Variants in SHISA9 observed in about 807,000 individuals in gnomAD.
SHISA9 encodes protein shisa-9.
A neutral mutation model predicts 38.0 loss-of-function variants in SHISA9; 13 were observed. The ratio of observed to expected loss-of-function variants is 0.34; its 90% CI spans 0.22 to 0.54. The LOEUF is 0.54. Among genes scored for constraint, SHISA9 ranks in the 20% least tolerant of loss-of-function variants. SHISA9 has a pLI of 0.91. For missense variants in SHISA9, 538 were observed against 575.8 expected (o/e 0.93, Z 0.67); for synonymous variants, 275 against 242.0 (o/e 1.14, Z -1.27).
At chr16:13,073,538 T>G (rs146929360) in intron 2 of SHISA9, among the ~76,000 whole-genome samples, 1 of 152,196 alleles carries the variant, frequency 6.6e-6, no homozygotes, top group East Asian at 1.9e-4. Flanking sequence ...AGCTCAGACC[T>G]AGTGAGTCAG....
intron 2 of SHISA9, among the ~76,000 whole-genome samples, chr16:12,975,841 T>C (rs2072154314): frequency 6.6e-6 from 1 of 151,808 alleles, no homozygotes; most frequent in African/African-American, 2.4e-5. Context: ...GCCTGAGTGA[T>C]AAAGAAGGAT....
At chr16:13,022,419 C>T (rs537294238) in intron 2 of SHISA9, among the ~76,000 whole-genome samples, 2 of 152,158 alleles carry the variant, frequency 1.3e-5, no homozygotes, top group East Asian at 3.9e-4. Context: ...GCAACCTCTG[C>T]CTCCCGGGTT....
intron 2 of SHISA9, among the ~76,000 whole-genome samples, chr16:13,118,180 TAAAAA>T (rs543126630): frequency 2.4e-5 from 2 of 84,046 alleles, no homozygotes; most frequent in South Asian, 7.6e-4. Flanking sequence ...AGACTTCGTC[TAAAAA>T]AAAAAAAAAA....
At chr16:13,303,116 G>A in the SHISA9 span, among the ~76,000 whole-genome samples, 1 of 152,080 alleles carries the variant, frequency 6.6e-6, no homozygotes, top group South Asian at 2.1e-4. Flanking sequence ...TGCCCAAGAA[G>A]CCTAGATTTA....
At chr16:13,092,007 G>A (rs1230053490) in intron 2 of SHISA9, among the ~76,000 whole-genome samples, 2 of 151,842 alleles carry the variant, frequency 1.3e-5, no homozygotes, top group African/African-American at 4.8e-5. Flanking sequence ...CCTTTTTGTT[G>A]ATGTTGATGC....
chr16:13,017,891 C>G (rs1032735), intron 2 of SHISA9, among the ~76,000 whole-genome samples: 31,513 of 152,130 alleles, frequency 0.21, 3,524 homozygotes, highest in East Asian at 0.41. Context: ...CTATCACATT[C>G]AATCCCCTTG....
intron 2 of SHISA9, among the ~76,000 whole-genome samples, chr16:13,038,260 G>A (rs2073096991): frequency 1.3e-5 from 2 of 152,248 alleles, no homozygotes; most frequent in Admixed American, 1.3e-4. Flanking sequence ...AAAGTGCTGG[G>A]ATTACAGGCG....
chr16:13,086,944 C>G (rs1386373925), intron 2 of SHISA9, among the ~76,000 whole-genome samples: 1 of 151,820 alleles, frequency 6.6e-6, no homozygotes, highest in East Asian at 1.9e-4. Context: ...GGTATTTCTC[C>G]TAATGCTATC....
chr16:13,166,196 G>A (rs2050634105), intron 2 of SHISA9, among the ~76,000 whole-genome samples: 1 of 152,174 alleles, frequency 6.6e-6, no homozygotes, highest in Non-Finnish European at 1.5e-5. Flanking sequence ...TTTTCTCCAA[G>A]TACCTCTCTC....
At chr16:13,465,297 C>G in the SHISA9 span, among the ~76,000 whole-genome samples, 1 of 152,196 alleles carries the variant, frequency 6.6e-6, no homozygotes, top group Non-Finnish European at 1.5e-5. Context: ...CAGTTGAGGA[C>G]TGCTGCTTTG....
intron 2 of SHISA9, among the ~76,000 whole-genome samples, chr16:13,165,481 A>G (rs2050627545): frequency 6.6e-6 from 1 of 152,202 alleles, no homozygotes; most frequent in African/African-American, 2.4e-5. Context: ...ATTTATTTTA[A>G]GAAGAGTTAT....
the SHISA9 span, among the ~76,000 whole-genome samples, chr16:13,345,714 C>T: frequency 4.6e-4 from 70 of 152,260 alleles, no homozygotes; most frequent in African/African-American, 1.5e-3. Flanking sequence ...TACATTCCCA[C>T]CAACAGTGTA....
At chr16:13,323,921 A>C in the SHISA9 span, among the ~76,000 whole-genome samples, 1 of 152,136 alleles carries the variant, frequency 6.6e-6, no homozygotes, top group African/African-American at 2.4e-5. Context: ...AGGTGGGTCT[A>C]GTGGGAGGTG....
intron 2 of SHISA9, among the ~76,000 whole-genome samples, chr16:13,181,167 G>A (rs1035054468): frequency 2.9e-4 from 43 of 150,198 alleles, no homozygotes; most frequent in Admixed American, 4.7e-4. Context: ...CATTATTTTT[G>A]TTGTTTATAT....
intron 2 of SHISA9, among the ~76,000 whole-genome samples, chr16:13,115,994 C>T (rs1355665664): frequency 6.6e-6 from 1 of 152,132 alleles, no homozygotes; most frequent in African/African-American, 2.4e-5. Flanking sequence ...GCATGAACGA[C>T]TCTGGGATCT....
chr16:12,947,612 C>T (rs928210148), intron 2 of SHISA9, among the ~76,000 whole-genome samples: 4 of 152,154 alleles, frequency 2.6e-5, no homozygotes, highest in Non-Finnish European at 5.9e-5. Flanking sequence ...ACAGGGACAT[C>T]GGGACAGCAG....
At chr16:13,128,648 T>G (rs1222257448) in intron 2 of SHISA9, among the ~76,000 whole-genome samples, 1 of 152,192 alleles carries the variant, frequency 6.6e-6, no homozygotes, top group Non-Finnish European at 1.5e-5. Flanking sequence ...ATGCCCAGAT[T>G]GTTGGGACCA....
In SHISA9 at chr16:13,019,584, A is replaced by T. The variant is rs188635349; in HGVS notation, c.691+102769A>T. Among the ~76,000 whole-genome samples the T allele has an allele frequency of 1.7e-3, 261 of 152,160 alleles. 2 individuals are homozygous for T. The highest frequency in any genetic ancestry group is 5.9e-3 in the African/African-American group (246 of 41,528). On this transcript the variant is annotated intron_variant, in intron 2 of 4. Transcript: ENST00000558583. Reference sequence around the variant, plus strand: ...TTAGGTACATTTGCAGTGTTGTGCAACTGTCACCACTCTTCATTTCCCGGT... The same window carrying T: ...TTAGGTACATTTGCAGTGTTGTGCATCTGTCACCACTCTTCATTTCCCGGT...
chr16:13,446,611 G>A, the SHISA9 span, among the ~76,000 whole-genome samples: 1 of 152,160 alleles, frequency 6.6e-6, no homozygotes, highest in Non-Finnish European at 1.5e-5. Flanking sequence ...GAGAGCATAT[G>A]TATGGCAAGG....
Sources: allele counts gnomAD v4.1 joint callset (sites outside exome capture counted in the v4.1 genomes callset), GRCh38; gene constraint gnomAD v4.1.1; transcripts MANE v1.5; gene names NCBI Gene and HGNC (gene_info 2026-07-23, HGNC 2026-07-21).